Variants in RORA observed in about 807,000 individuals in gnomAD.
RORA encodes the protein RAR related orphan receptor A.
RORA carries 7 observed loss-of-function variants against 69.5 expected under a neutral mutation model. The ratio of observed to expected loss-of-function variants is 0.10; its 90% confidence interval spans 0.06 to 0.19. The LOEUF (loss-of-function observed/expected upper bound fraction) is 0.19. Among genes scored for constraint, RORA ranks in the 10% least tolerant of loss-of-function variants. The pLI, the probability that RORA is intolerant of heterozygous loss-of-function variation, is 1.00. For synonymous variants in RORA, 261 were observed against 240.8 expected (o/e 1.08, Z -0.78); for missense variants, 457 against 663.0 (o/e 0.69, Z 3.41).
intron 1 of RORA, among the ~76,000 whole-genome samples, chr15:60,714,390 G>A (rs2071192117): frequency 6.8e-6 from 1 of 147,336 alleles, no homozygotes; most frequent in Non-Finnish European, 1.5e-5. Context: ...TTTTGAGATG[G>A]AGTCTTGCTC....
At chr15:61,093,314 G>A (rs1171258476) in intron 1 of RORA, among the ~76,000 whole-genome samples, 1 of 152,182 alleles carries the variant, frequency 6.6e-6, no homozygotes, top group Non-Finnish European at 1.5e-5. Context: ...GACCATGCTA[G>A]ACCCAAAGTT....
intron 1 of RORA, among the ~76,000 whole-genome samples, chr15:60,987,901 T>C (rs967977001): frequency 6.6e-6 from 1 of 152,192 alleles, no homozygotes; most frequent in Non-Finnish European, 1.5e-5. Flanking sequence ...CAAGCCCTCT[T>C]TACCTACAAG....
intron 1 of RORA, among the ~76,000 whole-genome samples, chr15:60,997,378 AAACATGAATCTTCCG>A (rs1382432446): frequency 2.6e-5 from 4 of 152,208 alleles, no homozygotes; most frequent in Non-Finnish European, 5.9e-5. Flanking sequence ...GTCTCGTGCC[AAACATGAATCTTCCG>A]AGAGTCAAGT....
intron 1 of RORA, among the ~76,000 whole-genome samples, chr15:61,054,527 T>G (rs1490832188): frequency 6.6e-6 from 1 of 152,196 alleles, no homozygotes; most frequent in Non-Finnish European, 1.5e-5. Flanking sequence ...TCATCCTCAC[T>G]GAGGCACAAG....
chr15:60,983,003 G>A (rs1367586099), intron 1 of RORA, among the ~76,000 whole-genome samples: 1 of 152,140 alleles, frequency 6.6e-6, no homozygotes. Context: ...AGACCTTGAA[G>A]AAGACTGGCG....
rs10687177 is a variant in RORA, at chr15:60,997,039, T to TTGTGTGTGTGTG, written c.166+232002_166+232013dup. 4.5e-3 allele frequency among the ~76,000 whole-genome samples: 671 copies of TTGTGTGTGTGTG among 148,420 alleles called. 7 individuals carry two copies. The highest frequency in any genetic ancestry group is 0.019 in the South Asian group (87 of 4,672). ...ATGGAAGAAGAGATGATATTGGGGT[T>TTGTGTGTGTGTG]TGTGTGTGTGTGTGTGTGTGTGTGT... On this transcript the variant is annotated intron_variant, in intron 1 of 10. Coordinates refer to ENST00000335670, the MANE Select transcript of RORA (RefSeq NM_134261.3).
In RORA at chr15:61,229,118, T is replaced by A. The variant is rs1269356018; in HGVS notation, c.101A>T (p.Glu34Val). 1 of 1,540,318 alleles carries A rather than the reference T, an allele frequency of 6.5e-7. No homozygotes were observed. The highest frequency in any genetic ancestry group is 2.0e-5 in the Admixed American group (1 of 50,568). Residue 34 changes from glutamate to valine, a missense_variant, in exon 1 of 11, where the codon GAA (glutamate) becomes GTA (valine). Physicochemically the swap from Glu to Val is moderately radical, Grantham distance 121 (BLOSUM62 -2). Transcript: ENST00000335670. ...AGGCGGCTCGCTCTTGCGGGCGGAT[T>A]CCTGGTTCAGCGGGGTCTCCCTGGA... ...AGSRETPLNQ[E>V]SARKSEPPAP...
intron 1 of RORA, among the ~76,000 whole-genome samples, chr15:60,972,996 G>GAAAA (rs34309313): frequency 4.1e-5 from 6 of 144,900 alleles, no homozygotes; most frequent in African/African-American, 1.3e-4. Flanking sequence ...GCATTTGGGA[G>GAAAA]AAAAAAAAAA....
intron 2 of RORA, among the ~76,000 whole-genome samples, chr15:60,637,826 C>CT (rs140074642): frequency 0.042 from 6,329 of 151,606 alleles, 448 homozygotes; most frequent in African/African-American, 0.14. Flanking sequence ...TTTTTTCTTT[C>CT]TTTTTTTTCT....
At chr15:61,109,448 A>T (rs1193224839) in intron 1 of RORA, among the ~76,000 whole-genome samples, 16 of 152,184 alleles carry the variant, frequency 1.1e-4, no homozygotes, top group Non-Finnish European at 1.8e-4. Flanking sequence ...AGAGATTTGA[A>T]ACCAGGTGGT....
intron 3 of RORA, among the ~76,000 whole-genome samples, chr15:60,527,296 C>A (rs547724905): frequency 2.0e-5 from 3 of 152,348 alleles, no homozygotes; most frequent in Non-Finnish European, 4.4e-5. Flanking sequence ...TGAGCAGCCA[C>A]TGTATCTCAT....
In RORA at chr15:60,948,238, T is replaced by C. The variant is rs940238638; in HGVS notation, c.167-269552A>G. On this transcript the variant is annotated intron_variant, in intron 1 of 10. Coordinates refer to ENST00000335670, the MANE Select transcript of RORA (RefSeq NM_134261.3). ...AGCCTATTTTTTATTCCCAGGCAAATATGACTGAAAAAAAAAAAATCACAG... is the reference window on the plus strand; with the variant it reads ...AGCCTATTTTTTATTCCCAGGCAAACATGACTGAAAAAAAAAAAATCACAG... Among the ~76,000 whole-genome samples, 3 of 148,574 alleles carry C rather than the reference T, an allele frequency of 2.0e-5. No individual in the cohort carries two copies. In the South Asian group the frequency reaches 6.4e-4, roughly 31 times the overall value.
At chr15:60,616,948 G>A (rs1191186237) in intron 2 of RORA, among the ~76,000 whole-genome samples, 2 of 152,178 alleles carry the variant, frequency 1.3e-5, no homozygotes, top group East Asian at 3.9e-4. Flanking sequence ...TGATGTACAT[G>A]CTTTTACTAT....
chr15:60,520,724 C>T (rs1021304480), intron 3 of RORA, among the ~76,000 whole-genome samples: 1 of 150,902 alleles, frequency 6.6e-6, no homozygotes, highest in Non-Finnish European at 1.5e-5. Context: ...ACTGAGGAGG[C>T]GTAAAAAAAA....
rs184182942 is a variant in RORA, at chr15:60,688,880, T to G, written c.167-10194A>C. On this transcript the variant is annotated intron_variant, in intron 1 of 10. Transcript: ENST00000335670. The stretch of plus-strand genomic sequence containing the variant: ...AGCCAATGACTATAGGGCATATGAC[T>G]ACAGTGTCAACACATACCAGCAACC... Among the ~76,000 whole-genome samples the G allele has an allele frequency of 2.8e-3, 419 of 152,260 alleles. 1 individual carries two copies. The highest frequency in any genetic ancestry group is 4.8e-3 in the South Asian group (23 of 4,812).
At chr15:60,654,041 C>T (rs192764249) in intron 2 of RORA, among the ~76,000 whole-genome samples, 8 of 152,254 alleles carry the variant, frequency 5.3e-5, no homozygotes, top group Non-Finnish European at 8.8e-5. Context: ...CTTCTTCTCC[C>T]GTGAAGGCCG....
chr15:60,540,564 A>AC (rs56827621), intron 2 of RORA, among the ~76,000 whole-genome samples: 4,463 of 45,884 alleles, frequency 0.097, 475 homozygotes, highest in Middle Eastern at 0.14. Flanking sequence ...AATTTCCATG[A>AC]CCCCCCCCCC....
rs558032675 is a variant in RORA at position 60,954,584 on chromosome 15, A to G, written c.166+274469T>C. On this transcript the variant is annotated intron_variant, in intron 1 of 10. Coordinates refer to ENST00000335670, the MANE Select transcript of RORA (RefSeq NM_134261.3). The stretch of plus-strand genomic sequence containing the variant: ...CCAGTGGATTTGGTATTCATCACCT[A>G]TTGACCTATGTGGGGTTTCTACTGG... Among the ~76,000 whole-genome samples the G allele has an allele frequency of 3.3e-5, 5 of 152,276 alleles. No individual in the cohort carries two copies. In the East Asian group the frequency reaches 9.6e-4, roughly 29 times the overall value.
At chr15:60,536,166 T>C (rs2066671502) in intron 2 of RORA, among the ~76,000 whole-genome samples, 1 of 152,212 alleles carries the variant, frequency 6.6e-6, no homozygotes, top group African/African-American at 2.4e-5. Flanking sequence ...TTAACCTCTC[T>C]GAGCCTCAGT....
Sources: gnomAD v4.1 joint callset for allele counts (sites outside exome capture counted in the v4.1 genomes callset) on GRCh38, gnomAD v4.1.1 for gene constraint, MANE v1.5 for transcripts, NCBI Gene and HGNC (gene_info 2026-07-23, HGNC 2026-07-21) for gene names.